MRPL22: variants seen among roughly 807,000 people sequenced by gnomAD.
The protein encoded by MRPL22 is large ribosomal subunit protein uL22m.
A neutral mutation model predicts 32.4 loss-of-function variants in MRPL22; 27 were observed. That is an observed-to-expected ratio of 0.83 (90% confidence interval 0.61 to 1.15). MRPL22 has a LOEUF of 1.15. MRPL22 is among the 50% of genes most tolerant of loss of function. MRPL22 has a pLI of 0.00. For missense variants in MRPL22, 239 were observed against 260.2 expected (o/e 0.92, Z 0.56); for synonymous variants, 86 against 87.3 (o/e 0.99, Z 0.08).
intron 2 of MRPL22, among the ~76,000 whole-genome samples, chr5:154,945,979 G>A (rs1234919962): frequency 2.0e-5 from 3 of 152,070 alleles, no homozygotes. Flanking sequence ...ATAGTAGTTT[G>A]GTCTTTGCTT....
intron 6 of MRPL22, among the ~76,000 whole-genome samples, chr5:154,965,693 A>G (rs1000267219): frequency 4.6e-5 from 7 of 152,174 alleles, no homozygotes; most frequent in Non-Finnish European, 1.0e-4. Flanking sequence ...AAGTGCTGAG[A>G]TTACAGGTGT....
At chr5:154,956,681 A>G (rs1340471168) in intron 4 of MRPL22, 3 of 426,182 alleles carry the variant, frequency 7.0e-6, no homozygotes, top group Non-Finnish European at 1.2e-5. Flanking sequence ...GTTTGGCTAT[A>G]ACCAGAGAAT....
chr5:154,966,572 C>A, intron 6 of MRPL22, 114 bp from the exon 7 acceptor site: 1 of 1,077,204 alleles, frequency 9.3e-7, no homozygotes, highest in Non-Finnish European at 1.4e-6. Flanking sequence ...CTCTAGCCAA[C>A]CAGTGAGCCC....
At chr5:154,942,382 A>C (rs963166162) in intron 2 of MRPL22, among the ~76,000 whole-genome samples, 4 of 152,200 alleles carry the variant, frequency 2.6e-5, no homozygotes, top group Non-Finnish European at 5.9e-5. Flanking sequence ...CTGAGTTCCC[A>C]ATTATATTTA....
intron 3 of MRPL22, among the ~76,000 whole-genome samples, chr5:154,952,560 G>T (rs1764577464): frequency 6.6e-6 from 1 of 151,890 alleles, no homozygotes; most frequent in Non-Finnish European, 1.5e-5. Context: ...TAATCCTTTG[G>T]GGGACAAATT....
intron 2 of MRPL22, among the ~76,000 whole-genome samples, chr5:154,942,139 T>C (rs1241877727): frequency 6.6e-6 from 1 of 152,164 alleles, no homozygotes; most frequent in Non-Finnish European, 1.5e-5. Context: ...TTAGATGAAG[T>C]GTTGCTATGT....
chr5:154,961,861 A>T (rs112601707), intron 6 of MRPL22, among the ~76,000 whole-genome samples: 7,190 of 152,020 alleles, frequency 0.047, 216 homozygotes, highest in Middle Eastern at 0.075. Context: ...TAATTTTAAA[A>T]TTTTTTGTAG....
intron 3 of MRPL22, among the ~76,000 whole-genome samples, chr5:154,953,546 T>G (rs1280567047): frequency 6.6e-6 from 1 of 151,988 alleles, no homozygotes; most frequent in Non-Finnish European, 1.5e-5. Context: ...AGCTACCATT[T>G]CTTATTTTTC....
At chr5:154,951,465 C>T (rs1277666620) in intron 3 of MRPL22, among the ~76,000 whole-genome samples, 1 of 152,190 alleles carries the variant, frequency 6.6e-6, no homozygotes, top group Non-Finnish European at 1.5e-5. Context: ...CATATTTTGT[C>T]ATGACATCAC....
chr5:154,953,681 C>CTTT (rs772873962), intron 3 of MRPL22, among the ~76,000 whole-genome samples: 63 of 107,084 alleles, frequency 5.9e-4, no homozygotes, highest in Middle Eastern at 5.7e-3. Context: ...CTAGTAAGAA[C>CTTT]TTTTTTTTTT....
intron 6 of MRPL22, among the ~76,000 whole-genome samples, chr5:154,963,822 G>A (rs917956081): frequency 3.3e-5 from 5 of 152,172 alleles, no homozygotes; most frequent in African/African-American, 4.8e-5. Flanking sequence ...TAGAATAGTC[G>A]TGGAGACTTT....
At chr5:154,953,562 T>G (rs1764593562) in intron 3 of MRPL22, among the ~76,000 whole-genome samples, 1 of 152,062 alleles carries the variant, frequency 6.6e-6, no homozygotes, top group Non-Finnish European at 1.5e-5. Flanking sequence ...TTTTCCTCTT[T>G]TTCTTCACTC....
intron 2 of MRPL22, among the ~76,000 whole-genome samples, chr5:154,944,926 A>T (rs888471912): frequency 2.2e-4 from 33 of 152,366 alleles, no homozygotes; most frequent in African/African-American, 7.7e-4. Flanking sequence ...AATGACAAAA[A>T]GGAGAGGGAT....
intron 2 of MRPL22, among the ~76,000 whole-genome samples, chr5:154,945,872 A>G (rs774929944): frequency 3.0e-4 from 45 of 152,306 alleles, no homozygotes; most frequent in Non-Finnish European, 4.1e-4. Flanking sequence ...TATTCCAGCA[A>G]TTGGCCAGGA....
rs993428248 is a variant in MRPL22, at chr5:154,941,145, A to C, written c.28+7A>C. ...GCAGTACTGGGACAGTTGGGTAAGG[A>C]TTTCTTAGTGGTTAAGCGACAGAAG... On this transcript the variant is annotated splice_region_variant and intron_variant, in intron 1 of 6. Transcript: ENST00000523037. 6.2e-7 allele frequency: 1 copy of C among 1,613,832 alleles called. No homozygotes were observed. The highest frequency in any genetic ancestry group is 1.3e-5 in the African/African-American group (1 of 74,854).
At chr5:154,941,944 AT>A (rs2113528807) in intron 2 of MRPL22, among the ~76,000 whole-genome samples, 1 of 152,262 alleles carries the variant, frequency 6.6e-6, no homozygotes, top group South Asian at 2.1e-4. Context: ...GTTAGCATTG[AT>A]TTTGGTTTAG....
chr5:154,950,669 G>C lies in MRPL22; in HGVS notation c.78-152G>C, dbSNP rs1037599575. 1.2e-5 allele frequency: 8 copies of C among 662,752 alleles called. 1 individual carries two copies. In the Admixed American group the frequency reaches 2.0e-4, roughly 17 times the overall value. 41.1% of individuals were successfully genotyped at this position (662,752 alleles called of 1,614,324 possible). ...TGTCTCTTTGTTGTGTTTAAAAGTA[G>C]TCTCTATTAATGAATACCTCTAGAA... On this transcript the variant is annotated intron_variant, in intron 2 of 6. Transcript: ENST00000523037.
chr5:154,949,388 G>A (rs777886725), intron 2 of MRPL22, among the ~76,000 whole-genome samples: 49 of 152,254 alleles, frequency 3.2e-4, no homozygotes, highest in Admixed American at 1.4e-3. Context: ...TTCAATAGAC[G>A]TTTTTAAGCT....
At chr5:154,961,037 TTA>T (rs564516084) in intron 6 of MRPL22, among the ~76,000 whole-genome samples, 2 of 152,140 alleles carry the variant, frequency 1.3e-5, no homozygotes, top group Non-Finnish European at 2.9e-5. Context: ...TTTTCAACAA[TTA>T]GAGTAAAAAA....
Sources: allele counts gnomAD v4.1 joint callset (sites outside exome capture counted in the v4.1 genomes callset), GRCh38; gene constraint gnomAD v4.1.1; transcripts MANE v1.5; gene names NCBI Gene and HGNC (gene_info 2026-07-23, HGNC 2026-07-21).